The following UTRN variants were observed in gnomAD, a reference collection of about 807,000 sequenced individuals.
The protein encoded by UTRN is utrophin.
Under a neutral mutation model 463.9 loss-of-function variants are expected in UTRN, and 283 were observed. The observed-to-expected ratio is 0.61, with a 90% CI of 0.55 to 0.67. The LOEUF (loss-of-function observed/expected upper bound fraction) is 0.67, where lower values mean the gene tolerates loss of function less well. UTRN is among the 30% of genes least tolerant of loss of function. The pLI is 0.00. For missense variants in UTRN, 3,922 were observed against 4,084.3 expected, an observed-to-expected ratio of 0.96 and a Z score of 1.08; for synonymous variants, 1,442 against 1,431.5, an observed-to-expected ratio of 1.01 and a Z score of -0.17.
intron 65 of UTRN, among the ~76,000 whole-genome samples, chr6:144,807,637 C>G (rs185016717): frequency 6.6e-6 from 1 of 152,242 alleles, no homozygotes; most frequent in Non-Finnish European, 1.5e-5. Flanking sequence ...CAGCTCAACT[C>G]CCACTTTGTG....
intron 51 of UTRN, among the ~76,000 whole-genome samples, chr6:144,620,439 T>C (rs1387716934): frequency 6.8e-6 from 1 of 147,196 alleles, no homozygotes; most frequent in Non-Finnish European, 1.5e-5. Flanking sequence ...AAAAAATCAC[T>C]TTGAAAAAAA....
At chr6:144,835,454 A>G (rs541967424) in intron 69 of UTRN, among the ~76,000 whole-genome samples, 2 of 152,300 alleles carry the variant, frequency 1.3e-5, no homozygotes, top group East Asian at 3.9e-4. Context: ...TTAGGCATGG[A>G]GTAATTGATT....
At chr6:144,535,007 G>A (rs1019451159) in intron 43 of UTRN, among the ~76,000 whole-genome samples, 12 of 152,154 alleles carry the variant, frequency 7.9e-5, no homozygotes, top group Non-Finnish European at 1.5e-4. Context: ...TGGAAAATGA[G>A]GTCCCATAAG....
chr6:144,849,250 G>C (rs1782282924), intron 74 of UTRN, among the ~76,000 whole-genome samples: 1 of 152,080 alleles, frequency 6.6e-6, no homozygotes, highest in African/African-American at 2.4e-5. Context: ...GTGATGGAAG[G>C]GCAACCAGGA....
chr6:144,431,609 G>A (rs1314337075), intron 9 of UTRN, among the ~76,000 whole-genome samples: 3 of 152,094 alleles, frequency 2.0e-5, no homozygotes, highest in African/African-American at 4.8e-5. Context: ...AATTAATACC[G>A]TCTGAACATT....
At position 144,487,583 on chromosome 6, in the gene UTRN, T is replaced by A; in HGVS notation, c.3858T>A (p.Asn1286Lys). ...LESVLRHPAD[N>K]RTQIRELGQT... ...CTGTTCTGCGCCACCCGGCAGATAA[T>A]CGCACCCAGATTCGAGAGCTTGGCC... is the stretch of plus-strand genomic sequence containing the variant. The change falls in exon 29 of 75, where the codon AAT becomes AAA. Residue 1286 changes from asparagine to lysine, a missense_variant. This residue lies in a region of UTRN where 2,349 missense variants were observed against 2,303.8 expected (regional missense o/e 1.02). Coordinates refer to ENST00000367545, the MANE Select transcript of UTRN (RefSeq NM_007124.3). 1 of 1,613,388 alleles carries A rather than the reference T, an allele frequency of 6.2e-7. No individual in the cohort carries two copies. The highest frequency in any genetic ancestry group is 8.5e-7 in the Non-Finnish European group (1 of 1,179,566).
intron 69 of UTRN, among the ~76,000 whole-genome samples, chr6:144,834,364 A>G: frequency 6.6e-6 from 1 of 152,206 alleles, no homozygotes; most frequent in East Asian, 1.9e-4. Flanking sequence ...TTATTGATGA[A>G]GAAAGCAAAA....
chr6:144,715,969 T>G (rs1383491590), intron 53 of UTRN, among the ~76,000 whole-genome samples: 2 of 152,144 alleles, frequency 1.3e-5, no homozygotes, highest in Admixed American at 6.5e-5. Flanking sequence ...AGCCAAATGT[T>G]TAATAAAGGT....
Position 144,577,976 on chromosome 6 carries a change from G to A in UTRN, c.7479+688G>A, listed in dbSNP as rs549002851. Among the ~76,000 whole-genome samples the A allele has an allele frequency of 7.9e-5, 12 of 152,246 alleles. No homozygotes were observed. In the South Asian group the frequency reaches 8.3e-4, roughly 11 times the overall value. Reference sequence around the variant, plus strand: ...CCAGCACTTTGGGAGGCCAAGGTGCGTAGGTCACCTGAGGTCAGGAGTTTG... The same window carrying A: ...CCAGCACTTTGGGAGGCCAAGGTGCATAGGTCACCTGAGGTCAGGAGTTTG... On this transcript the variant is annotated intron_variant, in intron 51 of 74. Transcript: ENST00000367545.
At chr6:144,461,370 C>G in intron 22 of UTRN, 28 bp downstream of exon 22, 3 of 1,461,858 alleles carry the variant, frequency 2.1e-6, no homozygotes, top group Non-Finnish European at 2.7e-6. Context: ...TGTTAGAACT[C>G]TAGCGCTTCT....
intron 2 of UTRN, among the ~76,000 whole-genome samples, chr6:144,356,148 A>G (rs192245960): frequency 1.3e-5 from 2 of 152,360 alleles, no homozygotes; most frequent in East Asian, 3.9e-4. Context: ...CTCCATATGA[A>G]TGACAATCAT....
intron 3 of UTRN, among the ~76,000 whole-genome samples, chr6:144,405,058 G>T (rs1428600449): frequency 1.3e-5 from 2 of 152,060 alleles, no homozygotes; most frequent in African/African-American, 4.8e-5. Context: ...TTTAGTAAAA[G>T]TTATAGTTAG....
intron 51 of UTRN, among the ~76,000 whole-genome samples, chr6:144,658,814 G>A (rs1779582463): frequency 6.6e-6 from 1 of 152,162 alleles, no homozygotes; most frequent in Non-Finnish European, 1.5e-5. Context: ...TTGGATTGGA[G>A]TTTTTTTCTT....
Position 144,429,637 on chromosome 6 carries a change from T to A in UTRN, c.751T>A (p.Phe251Ile). Residue 251 changes from phenylalanine to isoleucine, a missense_variant, in exon 9 of 75, where the codon TTT (phenylalanine) becomes ATT (isoleucine). This residue lies in a region of UTRN where 264 missense variants were observed against 327.9 expected (regional missense o/e 0.81). Transcript: ENST00000367545. ...KSIIMYLTSL[F>I]EVLPQQVTID... ...CATAATTATGTATTTAACATCTTTGTTTGAGGTGCTACCTCAGCAAGTCAC... is the reference window on the plus strand; with the variant it reads ...CATAATTATGTATTTAACATCTTTGATTGAGGTGCTACCTCAGCAAGTCAC... The A allele has an allele frequency of 6.2e-7, 1 of 1,612,876 alleles. No individual in the cohort carries two copies. Among genetic ancestry groups the A allele is most frequent in the Non-Finnish European group, 8.5e-7 (1 of 1,179,408 alleles).
chr6:144,774,052 T>C (rs1775087688), intron 59 of UTRN, among the ~76,000 whole-genome samples: 1 of 152,206 alleles, frequency 6.6e-6, no homozygotes, highest in Non-Finnish European at 1.5e-5. Context: ...CCCTGACACC[T>C]GTTGAAAATA....
intron 2 of UTRN, among the ~76,000 whole-genome samples, chr6:144,311,258 T>C (rs1401215484): frequency 6.6e-6 from 1 of 152,222 alleles, no homozygotes; most frequent in Non-Finnish European, 1.5e-5. Flanking sequence ...TGCAAACAAG[T>C]CTTCCAGTGG....
chr6:144,716,581 T>TA (rs1313787128), intron 53 of UTRN, among the ~76,000 whole-genome samples: 1 of 152,206 alleles, frequency 6.6e-6, no homozygotes, highest in Non-Finnish European at 1.5e-5. Flanking sequence ...AGCTCAATTC[T>TA]AGTGGGCATT....
At chr6:144,720,087 A>G (rs1786950733) in intron 53 of UTRN, among the ~76,000 whole-genome samples, 1 of 152,194 alleles carries the variant, frequency 6.6e-6, no homozygotes, top group Non-Finnish European at 1.5e-5. Flanking sequence ...CTTCCCTCCA[A>G]TTCTCTTAGA....
chr6:144,643,872 A>G (rs1165422449), intron 51 of UTRN, among the ~76,000 whole-genome samples: 1 of 152,158 alleles, frequency 6.6e-6, no homozygotes, highest in Non-Finnish European at 1.5e-5. Context: ...ATATTCTTCT[A>G]GAAACATGCA....
Sources: gnomAD v4.1 joint callset for allele counts (sites outside exome capture counted in the v4.1 genomes callset) on GRCh38, gnomAD v4.1.1 for gene constraint, gnomAD v4.1.1 regional missense constraint, MANE v1.5 for transcripts, NCBI Gene and HGNC (gene_info 2026-07-23, HGNC 2026-07-21) for gene names.